Variants in TPRG1 observed in about 807,000 individuals in gnomAD.
TPRG1 encodes tumor protein p63-regulated gene 1 protein.
In TPRG1, 29 loss-of-function variants were observed where a neutral mutation model predicts 29.3. The ratio of observed to expected loss-of-function variants is 0.99; its 90% CI spans 0.74 to 1.35. TPRG1 has a LOEUF of 1.35. Among genes scored for constraint, TPRG1 ranks in the 40% most tolerant of loss-of-function variants. The pLI, the probability that TPRG1 is intolerant of heterozygous loss-of-function variation, is 0.00. For missense variants in TPRG1, 327 were observed against 335.0 expected (o/e 0.98, Z 0.19); for synonymous variants, 130 against 116.8 (o/e 1.11, Z -0.73).
intron 4 of TPRG1, among the ~76,000 whole-genome samples, chr3:189,298,710 G>A (rs968827032): frequency 6.6e-6 from 1 of 152,108 alleles, no homozygotes; most frequent in Non-Finnish European, 1.5e-5. Context: ...GTGTGTGTGT[G>A]GAAAACCTAG....
At chr3:189,001,876 C>T (rs1712041241) in intron 2 of TPRG1, among the ~76,000 whole-genome samples, 1 of 152,158 alleles carries the variant, frequency 6.6e-6, no homozygotes, top group African/African-American at 2.4e-5. Flanking sequence ...AACAATAATG[C>T]ATTATATGTG....
At chr3:189,172,603 G>A (rs1013711276) in intron 1 of TPRG1, among the ~76,000 whole-genome samples, 49 of 152,156 alleles carry the variant, frequency 3.2e-4, no homozygotes, top group African/African-American at 8.7e-4. Flanking sequence ...TTTCTGAACC[G>A]TTAAATGGCA....
At chr3:189,091,850 C>T (rs996085744) in intron 4 of TPRG1, among the ~76,000 whole-genome samples, 1 of 151,842 alleles carries the variant, frequency 6.6e-6, no homozygotes, top group Non-Finnish European at 1.5e-5. Flanking sequence ...TCTTTGTTTC[C>T]CACATTTTTT....
chr3:189,266,862 G>A (rs138412603), intron 4 of TPRG1, among the ~76,000 whole-genome samples: 23 of 151,522 alleles, frequency 1.5e-4, no homozygotes, highest in South Asian at 8.3e-4. Flanking sequence ...TATAGTTACC[G>A]TCATTATGCA....
intron 4 of TPRG1, among the ~76,000 whole-genome samples, chr3:189,279,672 A>G (rs552916835): frequency 6.6e-5 from 10 of 152,328 alleles, no homozygotes; most frequent in African/African-American, 2.4e-4. Flanking sequence ...GAAAGGTAGT[A>G]TGAAAAACCT....
At position 189,312,103 on chromosome 3, in the gene TPRG1, T is replaced by TCTCTCTCTC. The variant is rs1560688768; in HGVS notation, c.633+1564_633+1565insCTCTCTCTC. Among the ~76,000 whole-genome samples the TCTCTCTCTC allele has an allele frequency of 8.6e-4, 60 of 69,468 alleles. 4 individuals are homozygous for TCTCTCTCTC. Among genetic ancestry groups the TCTCTCTCTC allele is most frequent in the African/African-American group, 9.6e-4 (15 of 15,640 alleles). The allele number at this position is 69,468 out of a possible 152,430, so 45.6% of individuals were successfully genotyped here. ...TATGTTTCTTTCTTTCTTTGTTTCTTTGTTTCTTTCTTTGTTTCTTTCTTT... is the reference window on the plus strand; with the variant it reads ...TATGTTTCTTTCTTTCTTTGTTTCTTCTCTCTCTCTGTTTCTTTCTTTGTTTCTTTCTTT... On this transcript the variant is annotated intron_variant, in intron 5 of 5. Coordinates refer to ENST00000345063, the MANE Select transcript of TPRG1 (RefSeq NM_198485.4).
intron 4 of TPRG1, among the ~76,000 whole-genome samples, chr3:189,244,548 A>C (rs1741100515): frequency 6.6e-6 from 1 of 152,186 alleles, no homozygotes; most frequent in Non-Finnish European, 1.5e-5. Context: ...AAGGCATCTC[A>C]CATGGTAGGA....
At chr3:189,071,755 A>G (rs1716824265) in intron 4 of TPRG1, among the ~76,000 whole-genome samples, 1 of 152,202 alleles carries the variant, frequency 6.6e-6, no homozygotes, top group African/African-American at 2.4e-5. Flanking sequence ...GCAGAGTTAC[A>G]TTTTGTTTGA....
In TPRG1 at chr3:189,234,494, CT is replaced by C. The variant is rs1242357016; in HGVS notation, c.303-4238del. 2.0e-5 allele frequency among the ~76,000 whole-genome samples: 3 copies of C among 152,260 alleles called. No homozygotes were observed. In the East Asian group the frequency reaches 5.8e-4, roughly 29 times the overall value. On this transcript the variant is annotated intron_variant, in intron 3 of 5. Coordinates refer to ENST00000345063, the MANE Select transcript of TPRG1 (RefSeq NM_198485.4). ...GATACCGCAGGTAACATTCTGTATC[CT>C]GCTCTTTCTCACTATTTTGGCATGA...
chr3:189,161,954 T>G (rs1166102384), intron 5 of TPRG1, among the ~76,000 whole-genome samples: 1 of 152,146 alleles, frequency 6.6e-6, no homozygotes, highest in South Asian at 2.1e-4. Flanking sequence ...ACTTTCTCTA[T>G]GTGGGGTGAT....
chr3:189,272,998 A>G (rs1715493696), intron 4 of TPRG1, among the ~76,000 whole-genome samples: 1 of 152,102 alleles, frequency 6.6e-6, no homozygotes, highest in Admixed American at 6.6e-5. Flanking sequence ...GATCCTGACA[A>G]GTGGTTATCC....
intron 3 of TPRG1, among the ~76,000 whole-genome samples, chr3:189,231,540 G>C (rs1462821079): frequency 6.6e-6 from 1 of 151,998 alleles, no homozygotes; most frequent in Non-Finnish European, 1.5e-5. Context: ...TTGTGTGCTT[G>C]GTATTGCATT....
At chr3:189,111,117 C>A (rs866425177) in intron 1 of TPRG1, among the ~76,000 whole-genome samples, 2,640 of 151,160 alleles carry the variant, frequency 0.017, 82 homozygotes, top group African/African-American at 0.061. Context: ...AACAAACAAA[C>A]AAAAAAAATC....
At chr3:189,131,007 C>A (rs1170210108) in intron 2 of TPRG1, among the ~76,000 whole-genome samples, 2 of 152,162 alleles carry the variant, frequency 1.3e-5, no homozygotes, top group African/African-American at 4.8e-5. Flanking sequence ...TTACCTCTGG[C>A]CGGTAAAATA....
chr3:189,162,318 A>AG (rs112719756), intron 5 of TPRG1, among the ~76,000 whole-genome samples: 164 of 152,248 alleles, frequency 1.1e-3, no homozygotes, highest in African/African-American at 3.8e-3. Flanking sequence ...TAAGAAAAGC[A>AG]GGGGGATAGC....
intron 3 of TPRG1, among the ~76,000 whole-genome samples, chr3:189,022,050 A>T (rs1276922081): frequency 1.3e-5 from 2 of 151,614 alleles, no homozygotes; most frequent in East Asian, 3.9e-4. Context: ...TGCATTCTTC[A>T]CGTAGTTCTC....
Position 189,233,168 on chromosome 3 carries a change from G to A in TPRG1, c.303-5565G>A, listed in dbSNP as rs746196127. 2.3e-4 allele frequency among the ~76,000 whole-genome samples: 8 copies of A among 34,648 alleles called. No individual in the cohort carries two copies. In the African/African-American group the frequency reaches 3.0e-3, roughly 13 times the overall value. 22.7% of individuals were successfully genotyped at this position (34,648 alleles called of 152,430 possible). On this transcript the variant is annotated intron_variant, in intron 3 of 5. Coordinates refer to ENST00000345063, the MANE Select transcript of TPRG1 (RefSeq NM_198485.4). The stretch of plus-strand genomic sequence containing the variant: ...GAAGATACCTCTACTGAGTGTGTAT[G>A]TGTGTGTGTGTGTGTGTGTGTGTGT...
At chr3:189,273,499 T>C (rs756250382) in intron 4 of TPRG1, among the ~76,000 whole-genome samples, 1 of 152,204 alleles carries the variant, frequency 6.6e-6, no homozygotes, top group Non-Finnish European at 1.5e-5. Context: ...TGACAGGAAG[T>C]TGTAGACTCA....
chr3:189,205,151 C>T (rs1303838748), intron 1 of TPRG1, among the ~76,000 whole-genome samples: 2 of 152,206 alleles, frequency 1.3e-5, no homozygotes, highest in Non-Finnish European at 2.9e-5. Context: ...GCTGCTACGA[C>T]TATTCAAGTG....
Sources: gnomAD v4.1 joint callset for allele counts (sites outside exome capture counted in the v4.1 genomes callset) on GRCh38, gnomAD v4.1.1 for gene constraint, MANE v1.5 for transcripts, NCBI Gene and HGNC (gene_info 2026-07-23, HGNC 2026-07-21) for gene names.